MIS18A: variants seen among roughly 807,000 people sequenced by gnomAD.
The protein encoded by MIS18A is MIS18 kinetochore protein A.
MIS18A carries 14 observed loss-of-function variants against 25.0 expected under a neutral mutation model. The ratio of observed to expected loss-of-function variants is 0.56; its 90% CI spans 0.37 to 0.88. The LOEUF is 0.88. Among genes scored for constraint, MIS18A ranks in the 40% least tolerant of loss-of-function variants. The probability of loss-of-function intolerance (pLI) is 0.00; values close to 1 mark genes in which losing one functional copy is unlikely to be tolerated. For missense variants in MIS18A, 292 were observed against 290.8 expected (o/e 1.00, Z -0.03); for synonymous variants, 134 against 118.6 (o/e 1.13, Z -0.84).
the MIS18A span, among the ~76,000 whole-genome samples, chr21:32,214,798 C>CCAAT: frequency 6.6e-6 from 1 of 152,344 alleles, no homozygotes; most frequent in East Asian, 1.9e-4. Context: ...CCTTGCCCTG[C>CCAAT]CACTCACTCA....
downstream of MIS18A, among the ~76,000 whole-genome samples, chr21:32,265,118 T>G (rs899651493): frequency 1.3e-5 from 2 of 152,078 alleles, no homozygotes; most frequent in African/African-American, 4.8e-5. Flanking sequence ...CTGGGTCCCG[T>G]GTGGTTTGGC....
intron 2 of MIS18A, among the ~76,000 whole-genome samples, chr21:32,273,851 A>T (rs1569015192): frequency 6.6e-6 from 1 of 152,222 alleles, no homozygotes; most frequent in Non-Finnish European, 1.5e-5. Context: ...GTACCACCTA[A>T]AGTTATTTCA....
chr21:32,189,364 G>T, the MIS18A span, among the ~76,000 whole-genome samples: 1 of 152,150 alleles, frequency 6.6e-6, no homozygotes, highest in Non-Finnish European at 1.5e-5. Context: ...CTGCAGCCTT[G>T]ACCTCCCAGC....
At chr21:32,200,231 CA>C in the MIS18A span, among the ~76,000 whole-genome samples, 1 of 152,110 alleles carries the variant, frequency 6.6e-6, no homozygotes, top group Admixed American at 6.5e-5. Flanking sequence ...ACTTTATTTG[CA>C]AAAACAGGCG....
At chr21:32,220,093 C>G in the MIS18A span, among the ~76,000 whole-genome samples, 1 of 152,218 alleles carries the variant, frequency 6.6e-6, no homozygotes, top group Non-Finnish European at 1.5e-5. Flanking sequence ...CTGAAGAGAG[C>G]AGTGGATTTC....
the MIS18A span, among the ~76,000 whole-genome samples, chr21:32,202,382 AAAGAT>A: frequency 2.0e-5 from 3 of 152,216 alleles, no homozygotes; most frequent in South Asian, 2.1e-4. Flanking sequence ...CATTACTATG[AAAGAT>A]AAGAGTTTGA....
At chr21:32,241,851 T>G in the MIS18A span, among the ~76,000 whole-genome samples, 3 of 152,100 alleles carry the variant, frequency 2.0e-5, no homozygotes, top group Non-Finnish European at 4.4e-5. Context: ...TCTTGACAAT[T>G]TCATACCAGA....
chr21:32,258,608 A>G, the MIS18A span, among the ~76,000 whole-genome samples: 3 of 152,272 alleles, frequency 2.0e-5, no homozygotes, highest in East Asian at 5.8e-4. Flanking sequence ...ACTTTACAGC[A>G]TGTCAAACAG....
At chr21:32,236,876 T>G in the MIS18A span, among the ~76,000 whole-genome samples, 1 of 152,246 alleles carries the variant, frequency 6.6e-6, no homozygotes, top group East Asian at 1.9e-4. Flanking sequence ...AGAATGGATA[T>G]GGGGGTACAG....
At chr21:32,265,842 G>T (rs2031588596), downstream of MIS18A, among the ~76,000 whole-genome samples, 1 of 152,256 alleles carries the variant, frequency 6.6e-6, no homozygotes, top group Admixed American at 6.5e-5. Context: ...CTCAAGGATT[G>T]TAAATACACC....
the MIS18A span, among the ~76,000 whole-genome samples, chr21:32,175,691 C>A: frequency 6.7e-6 from 1 of 150,326 alleles, no homozygotes. Flanking sequence ...CCTGTAATCC[C>A]AGCTACTACT....
the MIS18A span, among the ~76,000 whole-genome samples, chr21:32,200,723 C>G: frequency 6.6e-6 from 1 of 152,182 alleles, no homozygotes; most frequent in Non-Finnish European, 1.5e-5. Context: ...CAGGCGTGAG[C>G]CACCGTGCCC....
At chr21:32,211,523 T>C in the MIS18A span, among the ~76,000 whole-genome samples, 1 of 152,248 alleles carries the variant, frequency 6.6e-6, no homozygotes, top group Non-Finnish European at 1.5e-5. Flanking sequence ...TTTCGGGAGA[T>C]GGCTATCACC....
At chr21:32,266,252 G>A (rs1386493830), downstream of MIS18A, among the ~76,000 whole-genome samples, 2 of 151,970 alleles carry the variant, frequency 1.3e-5, no homozygotes, top group African/African-American at 4.8e-5. Flanking sequence ...TAATCTGATG[G>A]GGACGTGGAG....
chr21:32,155,668 T>C, the MIS18A span, among the ~76,000 whole-genome samples: 3 of 152,232 alleles, frequency 2.0e-5, no homozygotes, highest in Admixed American at 6.5e-5. Flanking sequence ...ATTTCATCTG[T>C]ATGTAAAAAG....
rs376334755 is a variant in MIS18A at position 32,268,959 on chromosome 21, C to T, written c.*78G>A. The T allele has an allele frequency of 9.2e-5, 88 of 956,416 alleles. No homozygotes were observed. In the African/African-American group the frequency reaches 1.2e-3, roughly 13 times the overall value. The allele number at this position is 956,416 out of a possible 1,614,324, so 59.2% of individuals were successfully genotyped here. On this transcript the variant is annotated 3_prime_UTR_variant, in exon 5 of 5. Coordinates refer to ENST00000290130, the MANE Select transcript of MIS18A (RefSeq NM_018944.3). ...TTTTTTCTTTTTTTTTTTGTAGAGA[C>T]GACGTCTCACTATGTTGCTTCATTT...
intron 3 of MIS18A, among the ~76,000 whole-genome samples, chr21:32,270,049 G>A (rs1035535948): frequency 2.5e-4 from 38 of 152,148 alleles, no homozygotes; most frequent in African/African-American, 8.7e-4. Flanking sequence ...ACTCCAGCCT[G>A]GGCGACAGAG....
the MIS18A span, among the ~76,000 whole-genome samples, chr21:32,209,142 A>G: frequency 7.0e-6 from 1 of 143,410 alleles, no homozygotes; most frequent in Non-Finnish European, 1.5e-5. Context: ...TCCCCCAGAT[A>G]ATAATAAATT....
At chr21:32,249,061 T>G in the MIS18A span, among the ~76,000 whole-genome samples, 329 of 152,290 alleles carry the variant, frequency 2.2e-3, no homozygotes, top group Non-Finnish European at 4.1e-3. Context: ...CTAAGAGCAC[T>G]TGCATAGCTG....
Sources: gnomAD v4.1 joint callset for allele counts (sites outside exome capture counted in the v4.1 genomes callset) on GRCh38, gnomAD v4.1.1 for gene constraint, MANE v1.5 for transcripts, NCBI Gene and HGNC (gene_info 2026-07-23, HGNC 2026-07-21) for gene names.